The following CCDC13 variants were observed in gnomAD, a reference collection of about 807,000 sequenced individuals.
The protein encoded by CCDC13 is coiled-coil domain-containing protein 13.
In CCDC13, 70 loss-of-function variants were observed where a neutral mutation model predicts 87.3. That is an observed-to-expected ratio of 0.80 (90% confidence interval 0.66 to 0.98). The LOEUF (loss-of-function observed/expected upper bound fraction) is 0.98. Ranked by LOEUF, CCDC13 falls within the 50% of genes least tolerant of loss-of-function variation. CCDC13 has a pLI of 0.00. For synonymous variants in CCDC13, 317 were observed against 360.3 expected (o/e 0.88, Z 1.36); for missense variants, 842 against 892.0 (o/e 0.94, Z 0.71).
Position 42,758,162 on chromosome 3 carries a change from C to T in CCDC13, c.184G>A (p.Ala62Thr), listed in dbSNP as rs531535524. 63 of 1,614,048 alleles carry T rather than the reference C, an allele frequency of 3.9e-5. 1 individual carries two copies. The East Asian group carries it at 7.1e-4, about 18-fold the overall frequency. Reference sequence around the variant, plus strand: ...CTATTTTTCGAGTTTGGCTCCCCTGCGTGGAGAAGGCTGAGGCCATCTGAA... The same window carrying T: ...CTATTTTTCGAGTTTGGCTCCCCTGTGTGGAGAAGGCTGAGGCCATCTGAA... The part of the protein sequence containing the change: ...EVSDGLSLLH[A>T]GEPNSKNSFE... Residue 62 changes from alanine (A) to threonine (T), a missense_variant, in exon 2 of 16, where the codon GCA becomes ACA. Transcript: ENST00000310232.
intron 1 of CCDC13, among the ~76,000 whole-genome samples, chr3:42,769,601 C>T (rs1700011737): frequency 6.6e-6 from 1 of 152,288 alleles, no homozygotes; most frequent in Non-Finnish European, 1.5e-5. Context: ...GCCTTGGCGC[C>T]CACTCTGGCG....
chr3:42,772,935 C>T (rs568499873), intron 1 of CCDC13, among the ~76,000 whole-genome samples: 10 of 152,306 alleles, frequency 6.6e-5, no homozygotes, highest in African/African-American at 2.2e-4. Context: ...CCACCCTCTG[C>T]GCCTCATTAA....
rs1699720887 is a variant in CCDC13 at position 42,757,114 on chromosome 3, T to C, written c.322A>G (p.Ile108Val). The C allele has an allele frequency of 3.1e-6, 5 of 1,614,236 alleles. No homozygotes were observed. The highest frequency in any genetic ancestry group is 4.2e-6 in the Non-Finnish European group (5 of 1,180,032). Residue 108 changes from isoleucine (I) to valine (V), a missense_variant, in exon 3 of 16, where the codon ATC (isoleucine) becomes GTC (valine). Coordinates refer to ENST00000310232, the MANE Select transcript of CCDC13 (RefSeq NM_144719.4). ...TCTATTTTCTTTTTGAGGTGTTTGATTTCAAAGTCCCTTTCCTTCAGCAGC... is the reference window on the plus strand; with the variant it reads ...TCTATTTTCTTTTTGAGGTGTTTGACTTCAAAGTCCCTTTCCTTCAGCAGC... ...YKLLKERDFEIKHLKKKIEED... is the reference protein window; with the variant it reads ...YKLLKERDFEVKHLKKKIEED...
chr3:42,752,867 T>A, intron 3 of CCDC13, 150 bp from the exon 4 acceptor site: 1 of 871,914 alleles, frequency 1.1e-6, no homozygotes, highest in Non-Finnish European at 1.7e-6. Context: ...GGTCACCATA[T>A]ACCTAGCAGC....
At chr3:42,751,841 G>A in intron 5 of CCDC13, 95 bp downstream of exon 5, 9 of 1,123,560 alleles carry the variant, frequency 8.0e-6, no homozygotes, top group South Asian at 1.3e-5. Context: ...GTTGGGGGTG[G>A]ACCTCGGGTA....
At chr3:42,768,999 G>T (rs549303746) in intron 1 of CCDC13, among the ~76,000 whole-genome samples, 2 of 151,772 alleles carry the variant, frequency 1.3e-5, no homozygotes, top group East Asian at 2.0e-4. Flanking sequence ...TTAGCTGGGC[G>T]TGGTGGCAGG....
At chr3:42,709,428 C>T (rs748563389) in intron 15 of CCDC13, among the ~76,000 whole-genome samples, 3 of 152,222 alleles carry the variant, frequency 2.0e-5, no homozygotes, top group Admixed American at 6.5e-5. Flanking sequence ...AAAGGTTTAA[C>T]GTAGTGAGAA....
chr3:42,765,840 C>T (rs1699920716), intron 1 of CCDC13, among the ~76,000 whole-genome samples: 1 of 152,094 alleles, frequency 6.6e-6, no homozygotes, highest in Non-Finnish European at 1.5e-5. Context: ...TCAGAATGGC[C>T]AGAGGGCAGG....
At chr3:42,750,380 G>A (rs1384562687) in intron 5 of CCDC13, among the ~76,000 whole-genome samples, 2 of 152,232 alleles carry the variant, frequency 1.3e-5, no homozygotes, top group African/African-American at 4.8e-5. Flanking sequence ...TGAAGGCCCT[G>A]TCCACATCCT....
At chr3:42,731,248 T>C (rs1179696231) in intron 12 of CCDC13, among the ~76,000 whole-genome samples, 1 of 151,822 alleles carries the variant, frequency 6.6e-6, no homozygotes, top group Non-Finnish European at 1.5e-5. Flanking sequence ...CTTACTTTTC[T>C]AGCAGTACAG....
intron 13 of CCDC13, among the ~76,000 whole-genome samples, chr3:42,728,976 A>G (rs1424073754): frequency 1.3e-5 from 2 of 152,174 alleles, no homozygotes; most frequent in Admixed American, 1.3e-4. Flanking sequence ...GAGATCTCAC[A>G]TGGAGACAGA....
intron 1 of CCDC13, among the ~76,000 whole-genome samples, chr3:42,762,351 GA>G (rs545768210): frequency 2.0e-4 from 30 of 152,354 alleles, no homozygotes; most frequent in African/African-American, 7.2e-4. Context: ...GCTCCTAAGA[GA>G]GAATCTCTGA....
intron 14 of CCDC13, among the ~76,000 whole-genome samples, chr3:42,710,544 C>T (rs1698285881): frequency 6.6e-6 from 1 of 152,132 alleles, no homozygotes; most frequent in Non-Finnish European, 1.5e-5. Context: ...AGAATGTTCA[C>T]AAAAAGGAGA....
chr3:42,706,063 C>G lies in CCDC13; in HGVS notation c.*2917G>C, dbSNP rs1415165408. On this transcript the variant is annotated 3_prime_UTR_variant, in exon 16 of 16. Coordinates refer to ENST00000310232, the MANE Select transcript of CCDC13 (RefSeq NM_144719.4). ...CCCACCCAGCTCCATCATGGCGTTT[C>G]CCACACCTCTGATTGGACTGGAAAC... 6.6e-6 allele frequency: 1 copy of G among 152,280 alleles called. No homozygotes were observed. Among genetic ancestry groups the G allele is most frequent in the Non-Finnish European group, 1.5e-5 (1 of 68,118 alleles). The allele number at this position is 152,280 out of a possible 1,614,324, so 9.4% of individuals were successfully genotyped here.
At chr3:42,746,934 T>C (rs1342328350) in intron 6 of CCDC13, 8 of 451,596 alleles carry the variant, frequency 1.8e-5, no homozygotes. Flanking sequence ...GGGGCACAAG[T>C]AGTGCAGGGA....
At chr3:42,739,911 TG>T in intron 8 of CCDC13, 101 bp from the exon 9 acceptor site, 3 of 1,124,236 alleles carry the variant, frequency 2.7e-6, no homozygotes, top group Non-Finnish European at 2.6e-6. Flanking sequence ...GGGCTGGGGG[TG>T]GGGGTGCTTG....
At position 42,747,381 on chromosome 3, in the gene CCDC13, G is replaced by A; in HGVS notation, c.604-8C>T. ...CACCTCTGGGGTCTCCAGCTGGTTG[G>A]GAAGGACAGGAGAGAAAGTAGTCAT... is the stretch of plus-strand genomic sequence containing the variant. On this transcript the variant is annotated splice_region_variant and splice_polypyrimidine_tract_variant and intron_variant, in intron 5 of 15. Transcript: ENST00000310232. 2.5e-6 allele frequency: 4 copies of A among 1,590,836 alleles called. No homozygotes were observed. Among genetic ancestry groups the A allele is most frequent in the Non-Finnish European group, 3.4e-6 (4 of 1,159,454 alleles).
chr3:42,762,098 G>A (rs1699844274), intron 1 of CCDC13, among the ~76,000 whole-genome samples: 1 of 152,210 alleles, frequency 6.6e-6, no homozygotes, highest in Admixed American at 6.5e-5. Flanking sequence ...TAGAGAATCT[G>A]ATTTAAATTA....
intron 1 of CCDC13, among the ~76,000 whole-genome samples, chr3:42,763,121 G>T (rs1357290731): frequency 6.6e-6 from 1 of 152,188 alleles, no homozygotes; most frequent in East Asian, 1.9e-4. Context: ...TGAACAGAAA[G>T]CACAAGTGAG....
Sources: gnomAD v4.1 joint callset for allele counts (sites outside exome capture counted in the v4.1 genomes callset) on GRCh38, gnomAD v4.1.1 for gene constraint, MANE v1.5 for transcripts, NCBI Gene and HGNC (gene_info 2026-07-23, HGNC 2026-07-21) for gene names.